DHRS12: variants seen among roughly 807,000 people sequenced by gnomAD.
DHRS12 encodes the protein dehydrogenase/reductase SDR family member 12.
A neutral mutation model predicts 32.1 loss-of-function variants in DHRS12; 29 were observed. That is an observed-to-expected ratio of 0.90 (90% confidence interval 0.67 to 1.23). The LOEUF is 1.23. DHRS12 is among the 50% of genes most tolerant of loss of function. The pLI is 0.00. For missense variants in DHRS12, 330 were observed against 337.2 expected, an observed-to-expected ratio of 0.98 and a Z score of 0.17; for synonymous variants, 150 against 135.9, an observed-to-expected ratio of 1.10 and a Z score of -0.72.
At chr13:51,795,987 G>T (rs944030389) in intron 2 of DHRS12, among the ~76,000 whole-genome samples, 1 of 152,210 alleles carries the variant, frequency 6.6e-6, no homozygotes, top group Non-Finnish European at 1.5e-5. Flanking sequence ...GTCTGGGGCT[G>T]TGTCTGTCCC....
intron 7 of DHRS12, chr13:51,771,214 G>A (rs1953993652): frequency 6.4e-7 from 1 of 1,551,622 alleles, no homozygotes; most frequent in Non-Finnish European, 8.7e-7. Context: ...GCACCCTGGG[G>A]TGTGTGCTGT....
chr13:51,795,408 T>A (rs1297092599), intron 2 of DHRS12, among the ~76,000 whole-genome samples: 14 of 152,184 alleles, frequency 9.2e-5, no homozygotes, highest in Admixed American at 9.2e-4. Context: ...ATAATGATAA[T>A]ACCAACAATA....
At chr13:51,762,873 CAT>C in the DHRS12 span, 2 of 152,366 alleles carry the variant, frequency 1.3e-5, no homozygotes, top group Admixed American at 6.5e-5. Flanking sequence ...AAACCAACCA[CAT>C]GTTCTTGGTT....
At chr13:51,788,875 A>G (rs1320770008) in intron 4 of DHRS12, among the ~76,000 whole-genome samples, 3 of 151,922 alleles carry the variant, frequency 2.0e-5, no homozygotes, top group Non-Finnish European at 4.4e-5. Context: ...AAAAAATAGT[A>G]AATTTAGTAA....
chr13:51,791,211 C>A lies in DHRS12; in HGVS notation c.173G>T (p.Trp58Leu). 6.4e-7 allele frequency: 1 copy of A among 1,569,750 alleles called. No homozygotes were observed. ...CTGCTTGAAATTTTCAACAAATTTC[C>A]AGATTTGCTTGGGATCAGACAAGTC... ...IVDLSDPKQI[W>L]KFVENFKQEH... Residue 58 changes from tryptophan (W) to leucine (L), a missense_variant, in exon 3 of 9, where the codon TGG becomes TTG. Coordinates refer to ENST00000444610, the MANE Select transcript of DHRS12 (RefSeq NM_001377533.1).
At chr13:51,755,508 C>A in the DHRS12 span, 1 of 1,562,764 alleles carries the variant, frequency 6.4e-7, no homozygotes, top group Non-Finnish European at 8.8e-7. Flanking sequence ...GGAAATAGCT[C>A]AACCATGTGA....
chr13:51,802,273 TGCCAAAGGGCAGTCCCCAGACAA>T (rs1955797967), intron 1 of DHRS12, among the ~76,000 whole-genome samples: 1 of 151,664 alleles, frequency 6.6e-6, no homozygotes, highest in Non-Finnish European at 1.5e-5. Flanking sequence ...CCAGCCTCGG[TGCCAAAGGGCAGTCCCCAGACAA>T]GCTGCATCAG....
chr13:51,766,403 A>C (rs1456581526), downstream of DHRS12: 1 of 152,214 alleles, frequency 6.6e-6, no homozygotes, highest in Non-Finnish European at 1.5e-5. Context: ...TGCAGTGGGC[A>C]TATTACCGTA....
Position 51,776,936 on chromosome 13 carries a change from G to T in DHRS12, c.363+124C>A, listed in dbSNP as rs1358270485. 3.8e-6 allele frequency: 4 copies of T among 1,044,110 alleles called. No homozygotes were observed. The African/African-American group carries it at 4.7e-5, about 12-fold the overall frequency. The allele number at this position is 1,044,110 out of a possible 1,614,324, so 64.7% of individuals were successfully genotyped here. On this transcript the variant is annotated intron_variant, in intron 5 of 8. Coordinates refer to ENST00000444610, the MANE Select transcript of DHRS12 (RefSeq NM_001377533.1). ...CCTCTCGGCCCCCTGACAGAATTGA[G>T]GTTTTGCTGTGGATGTGGACAGAAT...
At chr13:51,757,205 A>G in the DHRS12 span, among the ~76,000 whole-genome samples, 54 of 152,328 alleles carry the variant, frequency 3.5e-4, no homozygotes, top group African/African-American at 1.2e-3. Flanking sequence ...ATGCCCTTGC[A>G]TAAGTATGCA....
intron 4 of DHRS12, among the ~76,000 whole-genome samples, chr13:51,778,944 T>C (rs767268400): frequency 3.9e-5 from 6 of 152,180 alleles, no homozygotes; most frequent in African/African-American, 7.2e-5. Context: ...TGTGTATATA[T>C]ATATATAAAC....
chr13:51,800,555 T>C (rs1015429469), intron 1 of DHRS12, among the ~76,000 whole-genome samples: 1 of 152,304 alleles, frequency 6.6e-6, no homozygotes, highest in African/African-American at 2.4e-5. Context: ...GCCGAGAGAT[T>C]TCTCCTGGGC....
At position 51,768,299 on chromosome 13, in the gene DHRS12, A is replaced by C; in HGVS notation, c.698-3T>G. On this transcript the variant is annotated splice_polypyrimidine_tract_variant and splice_region_variant and intron_variant, in intron 8 of 8. Transcript: ENST00000444610. ...GTGTGTAGAAACTGGCTTCCGATCT[A>C]AAAGTGAGAGGGAACCGCAGAGAGG... 1 of 1,535,826 alleles carries C rather than the reference A, an allele frequency of 6.5e-7. No individual in the cohort carries two copies.
At chr13:51,785,861 TGA>T (rs1272231762) in intron 4 of DHRS12, among the ~76,000 whole-genome samples, 1 of 152,238 alleles carries the variant, frequency 6.6e-6, no homozygotes, top group Non-Finnish European at 1.5e-5. Context: ...GTTTAGGAAG[TGA>T]GTCACAGACT....
intron 7 of DHRS12, chr13:51,771,129 G>A: frequency 6.7e-7 from 1 of 1,502,744 alleles, no homozygotes; most frequent in Non-Finnish European, 8.9e-7. Flanking sequence ...GACAGTAGTG[G>A]CCACTCCACA....
At chr13:51,755,487 T>G in the DHRS12 span, 1 of 1,597,058 alleles carries the variant, frequency 6.3e-7, no homozygotes, top group African/African-American at 1.3e-5. Context: ...TTCATCAAAA[T>G]GTAATTATAT....
At chr13:51,791,647 T>C (rs1185205870) in intron 2 of DHRS12, among the ~76,000 whole-genome samples, 1 of 152,226 alleles carries the variant, frequency 6.6e-6, no homozygotes, top group Admixed American at 6.5e-5. Context: ...ATCTACCCTC[T>C]TAACAAAATT....
intron 4 of DHRS12, among the ~76,000 whole-genome samples, chr13:51,780,832 T>A (rs999715690): frequency 6.6e-6 from 1 of 152,222 alleles, no homozygotes; most frequent in African/African-American, 2.4e-5. Flanking sequence ...GAGTATGACA[T>A]TTTAATAGCA....
At position 51,789,935 on chromosome 13, in the gene DHRS12, A is replaced by G. The variant is rs1055902379; in HGVS notation, c.301+76T>C. 6.8e-6 allele frequency: 10 copies of G among 1,471,858 alleles called. No homozygotes were observed. In the African/African-American group the frequency reaches 1.3e-4, roughly 19 times the overall value. The allele number at this position is 1,471,858 out of a possible 1,614,324, so 91.2% of individuals were successfully genotyped here. On this transcript the variant is annotated intron_variant, in intron 4 of 8. Transcript: ENST00000444610. ...GGACCAAGAACCAAAAAAGTTGGTCAATTTTTTTTTACCCTTCTATGGTAC... is the reference window on the plus strand; with the variant it reads ...GGACCAAGAACCAAAAAAGTTGGTCGATTTTTTTTTACCCTTCTATGGTAC...
Sources: allele counts gnomAD v4.1 joint callset (sites outside exome capture counted in the v4.1 genomes callset), GRCh38; gene constraint gnomAD v4.1.1; transcripts MANE v1.5; gene names NCBI Gene and HGNC (gene_info 2026-07-23, HGNC 2026-07-21).